The following RBM47 variants were observed in gnomAD, a reference collection of about 807,000 sequenced individuals.
RBM47 encodes the protein RNA binding motif protein 47.
In RBM47, 21 loss-of-function variants were observed where a neutral mutation model predicts 47.1. That is an observed-to-expected ratio of 0.45 (90% CI 0.32 to 0.64). RBM47 has a LOEUF of 0.64. Ranked by LOEUF, RBM47 falls within the 30% of genes least tolerant of loss-of-function variation. The pLI, the probability that RBM47 is intolerant of heterozygous loss-of-function variation, is 0.05. For synonymous variants in RBM47, 375 were observed against 361.7 expected (o/e 1.04, Z -0.42); for missense variants, 708 against 870.9 (o/e 0.81, Z 2.35).
intron 1 of RBM47, among the ~76,000 whole-genome samples, chr4:40,583,063 G>C (rs1733110216): frequency 6.6e-6 from 1 of 152,166 alleles, no homozygotes; most frequent in Non-Finnish European, 1.5e-5. Context: ...ACAGGGAAAA[G>C]GAGCTTCAAG....
At chr4:40,556,780 C>G (rs1322057142) in intron 1 of RBM47, among the ~76,000 whole-genome samples, 1 of 151,946 alleles carries the variant, frequency 6.6e-6, no homozygotes, top group East Asian at 1.9e-4. Context: ...ATCCCAGCTA[C>G]TTGGGAGACT....
chr4:40,544,253 C>G (rs1443401595), intron 2 of RBM47, 169 bp downstream of exon 2: 1 of 152,178 alleles, frequency 6.6e-6, no homozygotes, highest in African/African-American at 2.4e-5. Flanking sequence ...ACAGGGCACT[C>G]TGGCCTAGTA....
At chr4:40,463,670 G>T (rs1241864773) in intron 3 of RBM47, among the ~76,000 whole-genome samples, 1 of 151,798 alleles carries the variant, frequency 6.6e-6, no homozygotes, top group African/African-American at 2.4e-5. Context: ...TTAGAGACCT[G>T]ATATTGGCTA....
At position 40,558,445 on chromosome 4, in the gene RBM47, G is replaced by A. The variant is rs369819051; in HGVS notation, c.-239-13939C>T. Among the ~76,000 whole-genome samples, 290 of 151,030 alleles carry A rather than the reference G, an allele frequency of 1.9e-3. 2 individuals are homozygous for A. The highest frequency in any genetic ancestry group is 6.7e-3 in the African/African-American group (275 of 41,036). On this transcript the variant is annotated intron_variant, in intron 1 of 6. Transcript: ENST00000295971. The stretch of plus-strand genomic sequence containing the variant: ...TGTAATCCCAGCACTTCAGGAGGCC[G>A]AGGCAGGTGGATCACTTAAGGTCAG...
rs560440757 is a variant in RBM47, at chr4:40,566,943, C to T, written c.-239-22437G>A. On this transcript the variant is annotated intron_variant, in intron 1 of 6. Coordinates refer to ENST00000295971, the MANE Select transcript of RBM47 (RefSeq NM_001098634.2). Reference sequence around the variant, plus strand: ...GATTACAAGCAGGAGCCACTGGGCCCGGCCCATTCTGTGTCTTCATCATTT... The same window carrying T: ...GATTACAAGCAGGAGCCACTGGGCCTGGCCCATTCTGTGTCTTCATCATTT... 1.4e-4 allele frequency among the ~76,000 whole-genome samples: 21 copies of T among 151,774 alleles called. No homozygotes were observed. In the South Asian group the frequency reaches 3.7e-3, roughly 27 times the overall value.
At chr4:40,473,861 A>G (rs1164649375) in intron 2 of RBM47, among the ~76,000 whole-genome samples, 1 of 152,268 alleles carries the variant, frequency 6.6e-6, no homozygotes, top group East Asian at 1.9e-4. Context: ...AATAGCAAAG[A>G]AAATGAACAT....
rs1727945876 is a variant in RBM47 at position 40,536,022 on chromosome 4, C to T, written c.-155+8400G>A. Among the ~76,000 whole-genome samples the T allele has an allele frequency of 1.3e-5, 2 of 152,226 alleles. 1 individual carries two copies. Among genetic ancestry groups the T allele is most frequent in the South Asian group, 4.1e-4 (2 of 4,836 alleles). ...AGCCTCTGGTATGGTATTTCAATGC[C>T]CACTTCATTCTTTGCTTGAGGTGTC... is the stretch of plus-strand genomic sequence containing the variant. On this transcript the variant is annotated intron_variant, in intron 2 of 6. Coordinates refer to ENST00000295971, the MANE Select transcript of RBM47 (RefSeq NM_001098634.2).
chr4:40,441,944 G>A (rs950588542), intron 3 of RBM47, among the ~76,000 whole-genome samples: 4 of 152,046 alleles, frequency 2.6e-5, no homozygotes, highest in African/African-American at 4.8e-5. Context: ...CCATGTTAGC[G>A]ACCCTGTTTT....
At chr4:40,450,821 C>T (rs971191785) in intron 3 of RBM47, among the ~76,000 whole-genome samples, 1 of 152,068 alleles carries the variant, frequency 6.6e-6, no homozygotes, top group African/African-American at 2.4e-5. Context: ...AAGCCCCCTA[C>T]CTCCACAATG....
At chr4:40,554,998 C>G (rs770630380) in intron 1 of RBM47, among the ~76,000 whole-genome samples, 3 of 151,854 alleles carry the variant, frequency 2.0e-5, no homozygotes, top group Non-Finnish European at 4.4e-5. Context: ...TGCAATGGCG[C>G]GATCTCGGCT....
chr4:40,431,920 A>G (rs997655389), intron 6 of RBM47, among the ~76,000 whole-genome samples: 2 of 151,596 alleles, frequency 1.3e-5, no homozygotes, highest in Admixed American at 1.3e-4. Flanking sequence ...GCAATCACAG[A>G]TCACTGCAGC....
chr4:40,548,074 C>T (rs980592848), intron 1 of RBM47, among the ~76,000 whole-genome samples: 5 of 152,248 alleles, frequency 3.3e-5, no homozygotes, highest in South Asian at 4.1e-4. Flanking sequence ...AGAGTTGGGA[C>T]GAGACCATTA....
chr4:40,543,043 A>G (rs1240447197), intron 2 of RBM47: 2 of 152,218 alleles, frequency 1.3e-5, no homozygotes, highest in Non-Finnish European at 2.9e-5. Context: ...TGCTCAAAAA[A>G]TGTTTGTTAA....
intron 1 of RBM47, among the ~76,000 whole-genome samples, chr4:40,616,377 A>C (rs1736733810): frequency 6.6e-6 from 1 of 151,878 alleles, no homozygotes; most frequent in South Asian, 2.1e-4. Flanking sequence ...AGAAAAAAAA[A>C]AAATCACTTC....
At chr4:40,593,538 C>T (rs1044285483) in intron 1 of RBM47, among the ~76,000 whole-genome samples, 3 of 152,004 alleles carry the variant, frequency 2.0e-5, no homozygotes, top group African/African-American at 4.8e-5. Context: ...AAGTTAAAGA[C>T]CAGCCTGACC....
chr4:40,434,247 T>C (rs997966523), intron 5 of RBM47, among the ~76,000 whole-genome samples: 1 of 152,152 alleles, frequency 6.6e-6, no homozygotes, highest in Admixed American at 6.6e-5. Flanking sequence ...TCCAACCATA[T>C]CTTCCACTGG....
rs978093325 is a variant in RBM47 at position 40,503,166 on chromosome 4, C to T, written c.-154-36467G>A. Among the ~76,000 whole-genome samples, 4 of 151,234 alleles carry T rather than the reference C, an allele frequency of 2.6e-5. No individual in the cohort carries two copies. In the Admixed American group the frequency reaches 2.7e-4, roughly 10 times the overall value. ...GCACTACAAAGACATGAAATCAGAA[C>T]CTAAAACTGAGAAGAAAGAAAAACT... On this transcript the variant is annotated intron_variant, in intron 2 of 6. Transcript: ENST00000295971.
At chr4:40,487,978 A>G (rs2154244762) in intron 2 of RBM47, among the ~76,000 whole-genome samples, 1 of 152,232 alleles carries the variant, frequency 6.6e-6, no homozygotes, top group South Asian at 2.1e-4. Context: ...TCTTTAGTGA[A>G]GCTTTTGATG....
rs111516195 is a variant in RBM47 at position 40,514,451 on chromosome 4, G to C, written c.-155+29971C>G. Reference sequence around the variant, plus strand: ...CACCATCCCTGCCCCTTCCGCAGAAGGGAACCCAAATCGTATGCAATTTGA... The same window carrying C: ...CACCATCCCTGCCCCTTCCGCAGAACGGAACCCAAATCGTATGCAATTTGA... On this transcript the variant is annotated intron_variant, in intron 2 of 6. Transcript: ENST00000295971. The C allele has an allele frequency of 4.8e-4, 73 of 152,292 alleles. 1 individual carries two copies. Among genetic ancestry groups the C allele is most frequent in the African/African-American group, 1.5e-3 (63 of 41,562 alleles). 9.4% of individuals were successfully genotyped at this position (152,292 alleles called of 1,614,324 possible).
Sources: gnomAD v4.1 joint callset for allele counts (sites outside exome capture counted in the v4.1 genomes callset) on GRCh38, gnomAD v4.1.1 for gene constraint, MANE v1.5 for transcripts, NCBI Gene and HGNC (gene_info 2026-07-23, HGNC 2026-07-21) for gene names.